Variants in HOXD11 observed in about 807,000 individuals in gnomAD.
HOXD11 encodes homeobox protein Hox-D11.
Under a neutral mutation model 23.1 loss-of-function variants are expected in HOXD11, and 16 were observed. That is an observed-to-expected ratio of 0.69 (90% CI 0.47 to 1.05). The LOEUF (loss-of-function observed/expected upper bound fraction) is 1.05, where lower values mean the gene tolerates loss of function less well. HOXD11 is among the 50% of genes least tolerant of loss of function. The probability of loss-of-function intolerance (pLI) is 0.00; values close to 1 mark genes in which losing one functional copy is unlikely to be tolerated. For missense variants in HOXD11, 564 were observed against 495.6 expected (o/e 1.14, Z -1.31); for synonymous variants, 262 against 224.4 (o/e 1.17, Z -1.50).
chr2:176,108,854 TG>T, intron 1 of HOXD11, 52 bp from the exon 2 acceptor site: 1 of 1,162,310 alleles, frequency 8.6e-7, no homozygotes, highest in Non-Finnish European at 1.2e-6. Context: ...GGCGGGCGGG[TG>T]GGGGCTGTCA....
chr2:176,111,849 A>AAAAAAAAAAAAAAAAAAAAAAAAAAAAT, downstream of HOXD11, among the ~76,000 whole-genome samples: 1 of 142,120 alleles, frequency 7.0e-6, no homozygotes, highest in Non-Finnish European at 1.5e-5. Context: ...AAAAAAAAAA[A>AAAAAAAAAAAAAAAAAAAAAAAAAAAAT]CCTTCATCGG....
Position 176,107,943 on chromosome 2 carries a change from G to A in HOXD11, c.588G>A (p.Pro196=), listed in dbSNP as rs1689607965. ...PGPPFAGPQP[P]PPPAPPQPEG... is the part of the protein sequence containing the mutation. ...CCCCGTTCGCCGGGCCGCAGCCCCC[G>A]CCGCCACCCGCGCCGCCACAGCCCG... is the stretch of plus-strand genomic sequence containing the variant. Residue 196 remains proline, a synonymous_variant, in exon 1 of 2, where the codon CCG becomes CCA. Transcript: ENST00000249504. The A allele has an allele frequency of 1.0e-5, 14 of 1,404,092 alleles. No individual in the cohort carries two copies. The East Asian group carries it at 4.1e-4, about 41-fold the overall frequency. 87.0% of individuals were successfully genotyped at this position (1,404,092 alleles called of 1,614,324 possible). A position where few individuals can be genotyped will look rare whatever the true frequency, so the allele number is the denominator to read the frequency against.
rs1161234872 is a variant in HOXD11 at position 176,108,110 on chromosome 2, C to T, written c.755C>T (p.Ala252Val). ...GACGGCGAGGGCCCCCCGGGAGAGGCGGGGGCCGAGAAGAGCAGCAGCGCA... is the reference window on the plus strand; with the variant it reads ...GACGGCGAGGGCCCCCCGGGAGAGGTGGGGGCCGAGAAGAGCAGCAGCGCA... ...GGDGEGPPGE[A>V]GAEKSSSAVA... is the part of the protein sequence containing the mutation. The change falls in exon 1 of 2, where the codon GCG becomes GTG. Residue 252 changes from alanine (A) to valine (V), a missense_variant. By Grantham distance (64) the Ala-to-Val change is moderately conservative (BLOSUM62 0). Transcript: ENST00000249504. 1 of 1,173,374 alleles carries T rather than the reference C, an allele frequency of 8.5e-7. No homozygotes were observed. The highest frequency in any genetic ancestry group is 2.0e-5 in the African/African-American group (1 of 50,048). The allele number at this position is 1,173,374 out of a possible 1,614,324, so 72.7% of individuals were successfully genotyped here.
downstream of HOXD11, chr2:176,111,538 C>T (rs1689672272): frequency 6.6e-6 from 1 of 151,354 alleles, no homozygotes; most frequent in South Asian, 2.1e-4. Flanking sequence ...TTTATTTGTT[C>T]TAAGCAGCCA....
rs1559114481 is a variant in HOXD11 at position 176,109,175 on chromosome 2, C to A, written c.*33C>A. ...AGGAAGCGCCCTCACCCCAGCCCCACTCACCCACCCTCCTTCCCACCAGCC... is the reference window on the plus strand; with the variant it reads ...AGGAAGCGCCCTCACCCCAGCCCCAATCACCCACCCTCCTTCCCACCAGCC... On this transcript the variant is annotated 3_prime_UTR_variant, in exon 2 of 2. Coordinates refer to ENST00000249504, the MANE Select transcript of HOXD11 (RefSeq NM_021192.3). The A allele has an allele frequency of 7.8e-7, 1 of 1,289,082 alleles. No homozygotes were observed. The highest frequency in any genetic ancestry group is 1.5e-5 in the African/African-American group (1 of 68,230). 79.9% of individuals were successfully genotyped at this position (1,289,082 alleles called of 1,614,324 possible). A position where few individuals can be genotyped will look rare whatever the true frequency, so the allele number is the denominator to read the frequency against.
chr2:176,112,709 A>G (rs1037031633), downstream of HOXD11, among the ~76,000 whole-genome samples: 6 of 152,122 alleles, frequency 3.9e-5, no homozygotes, highest in Non-Finnish European at 7.4e-5. Context: ...GCCCTCCCTA[A>G]ATGTCGTTGT....
chr2:176,113,656 T>C (rs1366785781), downstream of HOXD11, among the ~76,000 whole-genome samples: 1 of 152,240 alleles, frequency 6.6e-6, no homozygotes, highest in African/African-American at 2.4e-5. Flanking sequence ...ATTATTTCTA[T>C]CTTGCTCAAT....
At chr2:176,110,516 C>T (rs1472253358), downstream of HOXD11, among the ~76,000 whole-genome samples, 1 of 152,202 alleles carries the variant, frequency 6.6e-6, no homozygotes, top group Non-Finnish European at 1.5e-5. Context: ...GTACCCCATG[C>T]ATCTTCCAAG....
rs1353223913 is a variant in HOXD11, at chr2:176,107,629, G to A, written c.274G>A (p.Gly92Ser). 17 of 994,340 alleles carry A rather than the reference G, an allele frequency of 1.7e-5. No individual in the cohort carries two copies. Among genetic ancestry groups the A allele is most frequent in the Non-Finnish European group, 2.0e-5 (17 of 831,768 alleles). 61.6% of individuals were successfully genotyped at this position (994,340 alleles called of 1,614,324 possible). ...GSAGGGSSGGGPGGGGGGAGG... is the reference protein window; with the variant it reads ...GSAGGGSSGGSPGGGGGGAGG... ...CGCGGGGGGCGGCAGCAGCGGGGGC[G>A]GCCCCGGCGGGGGCGGCGGCGGCGC... Residue 92 changes from glycine (G) to serine (S), a missense_variant, in exon 1 of 2, where the codon GGC (glycine) becomes AGC (serine). Coordinates refer to ENST00000249504, the MANE Select transcript of HOXD11 (RefSeq NM_021192.3).
In HOXD11 at chr2:176,109,171, C is replaced by A; in HGVS notation, c.*29C>A. On this transcript the variant is annotated 3_prime_UTR_variant, in exon 2 of 2. Transcript: ENST00000249504. ...CTCCAGGAAGCGCCCTCACCCCAGC[C>A]CCACTCACCCACCCTCCTTCCCACC... 2 of 1,335,892 alleles carry A rather than the reference C, an allele frequency of 1.5e-6. No individual in the cohort carries two copies. Among genetic ancestry groups the A allele is most frequent in the Non-Finnish European group, 2.2e-6 (2 of 927,798 alleles). The allele number at this position is 1,335,892 out of a possible 1,614,324, so 82.8% of individuals were successfully genotyped here.
downstream of HOXD11, among the ~76,000 whole-genome samples, chr2:176,110,351 A>G (rs1689656925): frequency 6.6e-6 from 1 of 152,230 alleles, no homozygotes; most frequent in Non-Finnish European, 1.5e-5. Context: ...ATTGGGTTAT[A>G]TTATACACCT....
chr2:176,108,059 A>G lies in HOXD11; in HGVS notation c.704A>G (p.Lys235Arg). 6.7e-7 allele frequency: 1 copy of G among 1,481,998 alleles called. No homozygotes were observed. Among genetic ancestry groups the G allele is most frequent in the Non-Finnish European group, 8.9e-7 (1 of 1,122,456 alleles). 91.8% of individuals were successfully genotyped at this position (1,481,998 alleles called of 1,614,324 possible). Residue 235 changes from lysine (K) to arginine (R), a missense_variant, in exon 1 of 2, where the codon AAG (lysine) becomes AGG (arginine). Coordinates refer to ENST00000249504, the MANE Select transcript of HOXD11 (RefSeq NM_021192.3). ...AAGGCGACCCCTGGCTCGGAGCCCA[A>G]GGGGGCAGCAGAAGGCAGCGGTGGC... is the stretch of plus-strand genomic sequence containing the variant. The part of the protein sequence containing the change: ...CTKATPGSEP[K>R]GAAEGSGGDG...
In HOXD11 at chr2:176,108,011, G is replaced by T; in HGVS notation, c.656G>T (p.Gly219Val). The change falls in exon 1 of 2, where the codon GGC becomes GTC. Residue 219 changes from glycine (G) to valine (V), a missense_variant. Transcript: ENST00000249504. ...DKGDPRTGAG[G>V]GGGSPCTKAT... ...GGCGACCCCAGGACCGGGGCTGGTG[G>T]CGGCGGGGGCAGTCCCTGCACCAAG... is the stretch of plus-strand genomic sequence containing the variant. 1 of 1,487,068 alleles carries T rather than the reference G, an allele frequency of 6.7e-7. No individual in the cohort carries two copies. Among genetic ancestry groups the T allele is most frequent in the Non-Finnish European group, 8.9e-7 (1 of 1,124,250 alleles). The allele number at this position is 1,487,068 out of a possible 1,614,324, so 92.1% of individuals were successfully genotyped here.
downstream of HOXD11, among the ~76,000 whole-genome samples, chr2:176,112,964 A>T (rs979956071): frequency 6.6e-6 from 1 of 152,202 alleles, no homozygotes; most frequent in Non-Finnish European, 1.5e-5. Context: ...TAAGGCGCCA[A>T]GGTCTCAGAC....
Position 176,107,749 on chromosome 2 carries a change from C to A in HOXD11, c.394C>A (p.Pro132Thr). The A allele has an allele frequency of 8.3e-7, 1 of 1,203,248 alleles. No homozygotes were observed. The highest frequency in any genetic ancestry group is 1.0e-6 in the Non-Finnish European group (1 of 973,706). 74.5% of individuals were successfully genotyped at this position (1,203,248 alleles called of 1,614,324 possible). A position where few individuals can be genotyped will look rare whatever the true frequency, so the allele number is the denominator to read the frequency against. ...EAAMQRELLPPAGRRPDVLFK... is the reference protein window; with the variant it reads ...EAAMQRELLPTAGRRPDVLFK... ...GGCCATGCAACGCGAGCTTCTCCCG[C>A]CCGCGGGCCGCCGGCCGGACGTGCT... The change falls in exon 1 of 2, where the codon CCC becomes ACC. Residue 132 changes from proline to threonine, a missense_variant. Coordinates refer to ENST00000249504, the MANE Select transcript of HOXD11 (RefSeq NM_021192.3).
chr2:176,114,426 A>T (rs1029833931), downstream of HOXD11, among the ~76,000 whole-genome samples: 3 of 152,124 alleles, frequency 2.0e-5, no homozygotes, highest in Non-Finnish European at 4.4e-5. Flanking sequence ...CTATGCTGGG[A>T]TGCTGCAGCC....
At position 176,107,993 on chromosome 2, in the gene HOXD11, C is replaced by T. The variant is rs1470071017; in HGVS notation, c.638C>T (p.Pro213Leu). 1 of 1,479,872 alleles carries T rather than the reference C, an allele frequency of 6.8e-7. No individual in the cohort carries two copies. Among genetic ancestry groups the T allele is most frequent in the South Asian group, 1.3e-5 (1 of 77,636 alleles). 91.7% of individuals were successfully genotyped at this position (1,479,872 alleles called of 1,614,324 possible). A position where few individuals can be genotyped will look rare whatever the true frequency, so the allele number is the denominator to read the frequency against. Reference protein sequence around the residue: ...QPEGAADKGDPRTGAGGGGGS... With the variant: ...QPEGAADKGDLRTGAGGGGGS... ...GAGGGCGCAGCCGACAAGGGCGACCCCAGGACCGGGGCTGGTGGCGGCGGG... is the reference window on the plus strand; with the variant it reads ...GAGGGCGCAGCCGACAAGGGCGACCTCAGGACCGGGGCTGGTGGCGGCGGG... The change falls in exon 1 of 2, where the codon CCC (proline) becomes CTC (leucine). Residue 213 changes from proline to leucine, a missense_variant. By Grantham distance (98) the Pro-to-Leu change is moderately conservative. Transcript: ENST00000249504.
At chr2:176,114,793 C>T in the HOXD11 span, among the ~76,000 whole-genome samples, 1 of 152,224 alleles carries the variant, frequency 6.6e-6, no homozygotes, top group Non-Finnish European at 1.5e-5. Flanking sequence ...CCAATTTACC[C>T]ACAAGTTCAG....
rs1021321871 is a variant in HOXD11 at position 176,107,813 on chromosome 2, C to T, written c.458C>T (p.Pro153Leu). ...APEPVCAAPG[P>L]PHGPAGAASN... is the part of the protein sequence containing the mutation. ...GAGCCGGTGTGCGCTGCGCCGGGGCCGCCGCACGGCCCCGCGGGCGCCGCC... is the reference window on the plus strand; with the variant it reads ...GAGCCGGTGTGCGCTGCGCCGGGGCTGCCGCACGGCCCCGCGGGCGCCGCC... The change falls in exon 1 of 2, where the codon CCG becomes CTG. Residue 153 changes from proline (P) to leucine (L), a missense_variant. Physicochemically the swap from Pro to Leu is moderately conservative, Grantham distance 98. Transcript: ENST00000249504. 7.1e-7 allele frequency: 1 copy of T among 1,400,720 alleles called. No individual in the cohort carries two copies. The highest frequency in any genetic ancestry group is 9.3e-7 in the Non-Finnish European group (1 of 1,076,444). The allele number at this position is 1,400,720 out of a possible 1,614,324, so 86.8% of individuals were successfully genotyped here.
Sources: allele counts gnomAD v4.1 joint callset (sites outside exome capture counted in the v4.1 genomes callset), GRCh38; gene constraint gnomAD v4.1.1; transcripts MANE v1.5; gene names NCBI Gene and HGNC (gene_info 2026-07-23, HGNC 2026-07-21).